CCDC60: variants seen among roughly 807,000 people sequenced by gnomAD.
CCDC60 encodes coiled-coil domain containing 60.
Under a neutral mutation model 63.5 loss-of-function variants are expected in CCDC60, and 54 were observed. The ratio of observed to expected loss-of-function variants is 0.85; its 90% CI spans 0.68 to 1.07. CCDC60 has a LOEUF of 1.07. CCDC60 is among the 50% of genes least tolerant of loss of function. The probability of loss-of-function intolerance (pLI) is 0.00; values close to 1 mark genes in which losing one functional copy is unlikely to be tolerated. For synonymous variants in CCDC60, 206 were observed against 238.8 expected (o/e 0.86, Z 1.27); for missense variants, 651 against 684.3 (o/e 0.95, Z 0.54).
At chr12:119,402,480 G>C (rs1406281578) in intron 1 of CCDC60, 1 of 152,208 alleles carries the variant, frequency 6.6e-6, no homozygotes, top group African/African-American at 2.4e-5. Context: ...AGTGCAGTTT[G>C]TGTTTGAACC....
chr12:119,345,785 A>G (rs1299456245), intron 1 of CCDC60, among the ~76,000 whole-genome samples: 3 of 151,114 alleles, frequency 2.0e-5, no homozygotes, highest in Non-Finnish European at 4.4e-5. Context: ...ATCTGGCTGT[A>G]TGACTTTTGT....
chr12:119,418,936 C>T (rs1956760009), intron 1 of CCDC60, among the ~76,000 whole-genome samples: 1 of 152,230 alleles, frequency 6.6e-6, no homozygotes, highest in Non-Finnish European at 1.5e-5. Flanking sequence ...AAAGAACTTG[C>T]CAGCAGGCGG....
At chr12:119,452,814 G>GC (rs1950658009) in intron 2 of CCDC60, among the ~76,000 whole-genome samples, 1 of 144,456 alleles carries the variant, frequency 6.9e-6, no homozygotes, top group Non-Finnish European at 1.5e-5. Context: ...AATTTGGCTT[G>GC]TTTTTTTTTT....
chr12:119,370,154 T>C (rs540286424), intron 1 of CCDC60, among the ~76,000 whole-genome samples: 1 of 152,298 alleles, frequency 6.6e-6, no homozygotes, highest in East Asian at 1.9e-4. Flanking sequence ...AGCCCAACCC[T>C]GCACTTAGAC....
chr12:119,513,406 G>A (rs376658682), intron 7 of CCDC60, among the ~76,000 whole-genome samples: 2 of 152,276 alleles, frequency 1.3e-5, no homozygotes, highest in African/African-American at 2.4e-5. Flanking sequence ...TGCATCTTCC[G>A]AAATCCATAG....
At chr12:119,465,722 C>T (rs1407260034) in intron 2 of CCDC60, among the ~76,000 whole-genome samples, 1 of 150,980 alleles carries the variant, frequency 6.6e-6, no homozygotes, top group South Asian at 2.1e-4. Context: ...GGTGCCACTG[C>T]ACTCCAGCCT....
At chr12:119,388,487 G>C (rs1191059260) in intron 1 of CCDC60, among the ~76,000 whole-genome samples, 1 of 152,152 alleles carries the variant, frequency 6.6e-6, no homozygotes, top group Non-Finnish European at 1.5e-5. Flanking sequence ...AGTGTGATGG[G>C]CAAAGAGGAC....
At chr12:119,424,005 A>G (rs2136224481) in intron 1 of CCDC60, among the ~76,000 whole-genome samples, 1 of 152,338 alleles carries the variant, frequency 6.6e-6, no homozygotes, top group East Asian at 1.9e-4. Flanking sequence ...AAATTAATCT[A>G]TGTGAATTGT....
At chr12:119,479,440 G>A (rs905423553) in intron 4 of CCDC60, 18 of 489,888 alleles carry the variant, frequency 3.7e-5, no homozygotes, top group East Asian at 3.4e-4. Flanking sequence ...CAAGCCAGAC[G>A]CTCTAATGTC....
chr12:119,510,029 T>C (rs1357563359), intron 7 of CCDC60, among the ~76,000 whole-genome samples: 1 of 152,222 alleles, frequency 6.6e-6, no homozygotes, highest in Non-Finnish European at 1.5e-5. Flanking sequence ...ACCTGAGTTT[T>C]GGACTTCTGG....
At chr12:119,342,616 C>T (rs893576361) in intron 1 of CCDC60, among the ~76,000 whole-genome samples, 1 of 152,194 alleles carries the variant, frequency 6.6e-6, no homozygotes, top group Admixed American at 6.5e-5. Flanking sequence ...TAGTAGTACC[C>T]ATCAAAGAGC....
intron 2 of CCDC60, among the ~76,000 whole-genome samples, chr12:119,464,299 A>ATC (rs1285907018): frequency 1.2e-5 from 1 of 82,614 alleles, no homozygotes; most frequent in Non-Finnish European, 2.3e-5. Flanking sequence ...TTGCAAGAGC[A>ATC]ACCCCCCCCC....
Position 119,408,104 on chromosome 12 carries a change from T to C in CCDC60, c.91-20579T>C, listed in dbSNP as rs188760804. 7.9e-5 allele frequency among the ~76,000 whole-genome samples: 12 copies of C among 152,354 alleles called. No individual in the cohort carries two copies. In the East Asian group the frequency reaches 1.9e-3, roughly 24 times the overall value. On this transcript the variant is annotated intron_variant, in intron 1 of 13. Coordinates refer to ENST00000327554, the MANE Select transcript of CCDC60 (RefSeq NM_178499.5). ...TTCTTGCCAATAGGGGAGACTGTTA[T>C]AGTCAAAGAAGAGCTATTAATTTTG...
intron 2 of CCDC60, among the ~76,000 whole-genome samples, chr12:119,451,535 A>C (rs1950636442): frequency 6.6e-6 from 1 of 152,028 alleles, no homozygotes; most frequent in African/African-American, 2.4e-5. Flanking sequence ...TTCACTCCAA[A>C]ATTCTCAGTC....
chr12:119,474,241 G>C (rs1340857264), intron 3 of CCDC60, among the ~76,000 whole-genome samples: 1 of 152,222 alleles, frequency 6.6e-6, no homozygotes, highest in Non-Finnish European at 1.5e-5. Context: ...AGCGAATCCA[G>C]TGTGAAGCCA....
At chr12:119,479,460 G>A in intron 4 of CCDC60, 3 of 440,204 alleles carry the variant, frequency 6.8e-6, no homozygotes, top group Non-Finnish European at 1.3e-5. Flanking sequence ...CAAATAGTTT[G>A]CAAAGCCTGA....
intron 1 of CCDC60, among the ~76,000 whole-genome samples, chr12:119,367,220 A>T (rs944740787): frequency 2.6e-5 from 4 of 152,204 alleles, no homozygotes; most frequent in Admixed American, 1.3e-4. Context: ...AATCCTAAAA[A>T]GTAGGTATGA....
chr12:119,408,103 A>C (rs561693247), intron 1 of CCDC60, among the ~76,000 whole-genome samples: 7 of 152,348 alleles, frequency 4.6e-5, no homozygotes, highest in Admixed American at 1.3e-4. Flanking sequence ...GGAGACTGTT[A>C]TAGTCAAAGA....
At chr12:119,416,628 A>T (rs1956703825) in intron 1 of CCDC60, among the ~76,000 whole-genome samples, 1 of 151,990 alleles carries the variant, frequency 6.6e-6, no homozygotes, top group African/African-American at 2.4e-5. Flanking sequence ...AGCTCAATAG[A>T]TTTTTTTTTA....
Sources: gnomAD v4.1 joint callset for allele counts (sites outside exome capture counted in the v4.1 genomes callset) on GRCh38, gnomAD v4.1.1 for gene constraint, MANE v1.5 for transcripts, NCBI Gene and HGNC (gene_info 2026-07-23, HGNC 2026-07-21) for gene names.